The following CHKA variants were observed in gnomAD, a reference collection of about 807,000 sequenced individuals.
CHKA encodes the protein choline kinase alpha, also known as CHETK-alpha.
CHKA carries 34 observed loss-of-function variants against 60.1 expected under a neutral mutation model. The ratio of observed to expected loss-of-function variants is 0.57; its 90% CI spans 0.43 to 0.75. The LOEUF is 0.75. Ranked by LOEUF, CHKA falls within the 30% of genes least tolerant of loss-of-function variation. The pLI, the probability that CHKA is intolerant of heterozygous loss-of-function variation, is 0.00. For synonymous variants in CHKA, 217 were observed against 223.1 expected (o/e 0.97, Z 0.24); for missense variants, 563 against 561.3 (o/e 1.00, Z -0.03).
chr11:68,093,733 T>C (rs1380898627), intron 2 of CHKA, among the ~76,000 whole-genome samples: 1 of 152,222 alleles, frequency 6.6e-6, no homozygotes, highest in African/African-American at 2.4e-5. Flanking sequence ...TGCCAAGTAG[T>C]AGGCTATGCT....
At chr11:68,107,559 C>CCTCCTTTCCATTCTCAATG (rs1857959703) in intron 1 of CHKA, among the ~76,000 whole-genome samples, 1 of 152,044 alleles carries the variant, frequency 6.6e-6, no homozygotes, top group Non-Finnish European at 1.5e-5. Flanking sequence ...CAAATTCTCT[C>CCTCCTTTCCATTCTCAATG]CTCCTTTCCA....
At chr11:68,115,492 AG>A in intron 1 of CHKA, among the ~76,000 whole-genome samples, 1 of 152,296 alleles carries the variant, frequency 6.6e-6, no homozygotes, top group Non-Finnish European at 1.5e-5. Context: ...GTGTGCAGGC[AG>A]GGGGTTATAT....
At chr11:68,092,501 C>T (rs940255614) in intron 2 of CHKA, among the ~76,000 whole-genome samples, 13 of 152,186 alleles carry the variant, frequency 8.5e-5, no homozygotes, top group South Asian at 2.1e-4. Flanking sequence ...TTAAAATCCT[C>T]GGCACAGTGT....
intron 1 of CHKA, among the ~76,000 whole-genome samples, chr11:68,109,417 T>C (rs1418552550): frequency 6.6e-6 from 1 of 152,082 alleles, no homozygotes. Context: ...GACAGAACAT[T>C]CTGTTCTTAA....
intron 3 of CHKA, among the ~76,000 whole-genome samples, chr11:68,078,973 G>T (rs1472990849): frequency 6.6e-6 from 1 of 151,504 alleles, no homozygotes; most frequent in Non-Finnish European, 1.5e-5. Flanking sequence ...GAGATGGATA[G>T]CCCAGGCTGG....
intron 1 of CHKA, among the ~76,000 whole-genome samples, chr11:68,116,666 G>A (rs895223415): frequency 2.0e-5 from 3 of 151,692 alleles, no homozygotes; most frequent in African/African-American, 4.8e-5. Flanking sequence ...GCAGTGAGCC[G>A]AGATCGCGCC....
At chr11:68,108,507 G>C (rs890526852) in intron 1 of CHKA, among the ~76,000 whole-genome samples, 1 of 152,228 alleles carries the variant, frequency 6.6e-6, no homozygotes, top group African/African-American at 2.4e-5. Flanking sequence ...CACTTTGGGA[G>C]GCCAAGGCGG....
At chr11:68,083,935 G>A (rs893127047) in intron 2 of CHKA, among the ~76,000 whole-genome samples, 3 of 152,068 alleles carry the variant, frequency 2.0e-5, no homozygotes, top group African/African-American at 7.2e-5. Context: ...TTTTCGTCCA[G>A]GAAGACAGGA....
At chr11:68,095,593 C>CA (rs1268871457) in intron 2 of CHKA, among the ~76,000 whole-genome samples, 2 of 148,062 alleles carry the variant, frequency 1.4e-5, no homozygotes, top group Non-Finnish European at 3.0e-5. Flanking sequence ...CCTGTAGTCC[C>CA]AGCTACTCAG....
intron 3 of CHKA, among the ~76,000 whole-genome samples, chr11:68,075,112 A>G (rs867902694): frequency 7.2e-5 from 11 of 152,210 alleles, no homozygotes; most frequent in Non-Finnish European, 1.5e-4. Context: ...AAAAATATCC[A>G]TCAGTGCTTT....
intron 1 of CHKA, among the ~76,000 whole-genome samples, chr11:68,114,252 C>T (rs1858296467): frequency 6.6e-6 from 1 of 152,194 alleles, no homozygotes; most frequent in African/African-American, 2.4e-5. Flanking sequence ...AAAACCTACA[C>T]ACAAATGTTT....
intron 1 of CHKA, among the ~76,000 whole-genome samples, chr11:68,106,389 A>G (rs1438893565): frequency 6.7e-6 from 1 of 148,716 alleles, no homozygotes; most frequent in African/African-American, 2.5e-5. Context: ...GATCTCTACA[A>G]TTTTTTTTTT....
chr11:68,109,923 G>C (rs781048871), intron 1 of CHKA, among the ~76,000 whole-genome samples: 1 of 152,204 alleles, frequency 6.6e-6, no homozygotes, highest in Non-Finnish European at 1.5e-5. Flanking sequence ...CTGCACTCCA[G>C]TGTGGGTGAC....
At chr11:68,056,805 T>C (rs1390310978) in intron 11 of CHKA, among the ~76,000 whole-genome samples, 4 of 151,944 alleles carry the variant, frequency 2.6e-5, no homozygotes, top group East Asian at 1.9e-4. Flanking sequence ...AGCCCAGAAG[T>C]TGGAGACCAG....
In CHKA at chr11:68,053,693, C is replaced by A; in HGVS notation, c.*295G>T. The A allele has an allele frequency of 2.9e-6, 1 of 347,160 alleles. No individual in the cohort carries two copies. Among genetic ancestry groups the A allele is most frequent in the Non-Finnish European group, 5.3e-6 (1 of 188,068 alleles). The allele number at this position is 347,160 out of a possible 1,614,324, so 21.5% of individuals were successfully genotyped here. A position where few individuals can be genotyped will look rare whatever the true frequency, so the allele number is the denominator to read the frequency against. On this transcript the variant is annotated 3_prime_UTR_variant, in exon 12 of 12. Coordinates refer to ENST00000265689, the MANE Select transcript of CHKA (RefSeq NM_001277.3). ...CTGTTTGCCTCATCTGACTGGAAAC[C>A]TTAGCCCCCAAATATGAAATGCCTT...
At chr11:68,054,393 C>T (rs1012352194) in intron 11 of CHKA, among the ~76,000 whole-genome samples, 5 of 152,188 alleles carry the variant, frequency 3.3e-5, no homozygotes, top group African/African-American at 9.7e-5. Flanking sequence ...ACTGACTGAC[C>T]GACATAACAC....
intron 1 of CHKA, among the ~76,000 whole-genome samples, chr11:68,100,591 C>CAATAAATAAATA (rs751647246): frequency 1.1e-4 from 11 of 100,642 alleles, no homozygotes; most frequent in African/African-American, 3.8e-4. Flanking sequence ...ACATCATCTC[C>CAATAAATAAATA]AATAAATAAA....
At chr11:68,117,950 T>TG (rs1335702393) in intron 1 of CHKA, among the ~76,000 whole-genome samples, 5 of 152,164 alleles carry the variant, frequency 3.3e-5, no homozygotes, top group African/African-American at 1.2e-4. Context: ...GAGGGATTTC[T>TG]GGGGGAATGC....
At chr11:68,085,299 C>T (rs1392351593) in intron 2 of CHKA, among the ~76,000 whole-genome samples, 2 of 152,134 alleles carry the variant, frequency 1.3e-5, no homozygotes, top group African/African-American at 4.8e-5. Flanking sequence ...ATAGGGCTCA[C>T]TGCAGCCTCA....
Sources: allele counts gnomAD v4.1 joint callset (sites outside exome capture counted in the v4.1 genomes callset), GRCh38; gene constraint gnomAD v4.1.1; transcripts MANE v1.5; gene names NCBI Gene and HGNC (gene_info 2026-07-23, HGNC 2026-07-21).